CLEC16A: variants seen among roughly 807,000 people sequenced by gnomAD.
The protein encoded by CLEC16A is protein CLEC16A.
A neutral mutation model predicts 109.5 loss-of-function variants in CLEC16A; 51 were observed. The observed-to-expected ratio is 0.47, with a 90% CI of 0.37 to 0.59. CLEC16A has a LOEUF of 0.59. Among genes scored for constraint, CLEC16A ranks in the 20% least tolerant of loss-of-function variants. The probability of loss-of-function intolerance (pLI) is 0.00; values close to 1 mark genes in which losing one functional copy is unlikely to be tolerated. For synonymous variants in CLEC16A, 673 were observed against 564.2 expected, an observed-to-expected ratio of 1.19 and a Z score of -2.73; for missense variants, 1,339 against 1,394.0, an observed-to-expected ratio of 0.96 and a Z score of 0.63.
intron 17 of CLEC16A, among the ~76,000 whole-genome samples, chr16:11,049,132 C>T (rs1360205826): frequency 6.6e-6 from 1 of 152,012 alleles, no homozygotes; most frequent in Non-Finnish European, 1.5e-5. Flanking sequence ...CTCAGCCTCC[C>T]GAGTAGCTGG....
chr16:10,962,717 A>G (rs2042309138), intron 3 of CLEC16A, 129 bp downstream of exon 3: 2 of 996,222 alleles, frequency 2.0e-6, no homozygotes. Context: ...CCATAGACTG[A>G]GTGGGTTAAA....
chr16:11,026,424 C>T (rs968252813), intron 13 of CLEC16A, among the ~76,000 whole-genome samples: 1 of 152,142 alleles, frequency 6.6e-6, no homozygotes, highest in African/African-American at 2.4e-5. Context: ...TTCATCTGAA[C>T]TGTCAAATTT....
rs536364200 is a variant in CLEC16A at position 11,067,327 on chromosome 16, G to A, written c.2116+6305G>A. On this transcript the variant is annotated intron_variant, in intron 19 of 23. Transcript: ENST00000409790. ...CACAGATCAAACTCAGATGACCACC[G>A]TGTTTCCTGTTCTAAGAGCAGGTGA... Among the ~76,000 whole-genome samples the A allele has an allele frequency of 4.1e-5, 6 of 147,548 alleles. No homozygotes were observed. The South Asian group carries it at 1.3e-3, about 33-fold the overall frequency.
rs556702149 is a variant in CLEC16A, at chr16:10,992,939, G to C, written c.1071+9948G>C. Among the ~76,000 whole-genome samples, 8 of 152,288 alleles carry C rather than the reference G, an allele frequency of 5.3e-5. No homozygotes were observed. The East Asian group carries it at 1.4e-3, about 26-fold the overall frequency. On this transcript the variant is annotated intron_variant, in intron 10 of 23. Coordinates refer to ENST00000409790, the MANE Select transcript of CLEC16A (RefSeq NM_015226.3). ...GAGGTCAGGGAGCTAGGCCTGCTGA[G>C]AGTTGAGGGGTTGGGTCGGGGGGCG...
At chr16:11,114,123 A>C (rs2051798246) in intron 19 of CLEC16A, among the ~76,000 whole-genome samples, 1 of 116,120 alleles carries the variant, frequency 8.6e-6, no homozygotes, top group Admixed American at 8.7e-5. Flanking sequence ...TCCCATGAGG[A>C]TGGCCGTGTG....
At chr16:11,012,099 C>G (rs2045455916) in intron 11 of CLEC16A, among the ~76,000 whole-genome samples, 2 of 152,056 alleles carry the variant, frequency 1.3e-5, no homozygotes. Flanking sequence ...CACTTAACAT[C>G]AAGGATAGGT....
intron 15 of CLEC16A, among the ~76,000 whole-genome samples, chr16:11,043,682 T>C (rs1029205582): frequency 6.6e-6 from 1 of 152,006 alleles, no homozygotes; most frequent in Non-Finnish European, 1.5e-5. Flanking sequence ...CTGGCCAACA[T>C]GGTGAAGCCC....
At chr16:10,945,118 G>T (rs868516931) in intron 1 of CLEC16A, among the ~76,000 whole-genome samples, 2 of 152,204 alleles carry the variant, frequency 1.3e-5, no homozygotes, top group Admixed American at 6.5e-5. Context: ...TCCTGGCGGG[G>T]TACTTCTTAA....
rs533998165 is a variant in CLEC16A, at chr16:11,120,477, A to G, written c.2117-138A>G. 102 of 821,490 alleles carry G rather than the reference A, an allele frequency of 1.2e-4. No homozygotes were observed. In the South Asian group the frequency reaches 2.3e-3, roughly 19 times the overall value. 50.9% of individuals were successfully genotyped at this position (821,490 alleles called of 1,614,324 possible). On this transcript the variant is annotated intron_variant, in intron 19 of 23. Coordinates refer to ENST00000409790, the MANE Select transcript of CLEC16A (RefSeq NM_015226.3). ...CATAACTGTCAGAGAAGGGACTCAG[A>G]CCTAGGTCTGTGTGACTCTAGGCCT...
chr16:10,991,272 C>T (rs542119383), intron 10 of CLEC16A, among the ~76,000 whole-genome samples: 1 of 151,922 alleles, frequency 6.6e-6, no homozygotes, highest in South Asian at 2.1e-4. Flanking sequence ...GAAGCACAGA[C>T]TCAAAGGAAG....
chr16:11,134,778 G>T (rs928892430), intron 22 of CLEC16A, among the ~76,000 whole-genome samples: 1 of 152,154 alleles, frequency 6.6e-6, no homozygotes, highest in Non-Finnish European at 1.5e-5. Context: ...GAGCTACTTC[G>T]CATGGCAGCT....
intron 1 of CLEC16A, among the ~76,000 whole-genome samples, chr16:10,948,112 C>G (rs1332444826): frequency 1.3e-5 from 2 of 152,140 alleles, no homozygotes; most frequent in East Asian, 3.9e-4. Context: ...CCAGGATGGT[C>G]TCGATCTCCT....
At chr16:10,962,291 C>G (rs2042285132) in intron 2 of CLEC16A, among the ~76,000 whole-genome samples, 164 bp from the exon 3 acceptor site, 1 of 152,134 alleles carries the variant, frequency 6.6e-6, no homozygotes, top group Admixed American at 6.5e-5. Context: ...TATTCCTTTG[C>G]TGGGAATTCC....
At chr16:10,957,100 C>G in intron 1 of CLEC16A, among the ~76,000 whole-genome samples, 1 of 152,198 alleles carries the variant, frequency 6.6e-6, no homozygotes, top group East Asian at 1.9e-4. Context: ...CCCAGCCAGC[C>G]CATTTAACTC....
At chr16:11,030,983 T>G in intron 13 of CLEC16A, among the ~76,000 whole-genome samples, 1 of 152,238 alleles carries the variant, frequency 6.6e-6, no homozygotes, top group Middle Eastern at 3.2e-3. Flanking sequence ...GTGGCATGTC[T>G]TTTCATTTTC....
intron 10 of CLEC16A, among the ~76,000 whole-genome samples, chr16:10,999,583 C>T (rs1004001903): frequency 6.6e-6 from 1 of 152,210 alleles, no homozygotes; most frequent in Non-Finnish European, 1.5e-5. Context: ...AACAACTCCC[C>T]TATCAATGGA....
chr16:11,156,181 G>A (rs952234806), intron 22 of CLEC16A, among the ~76,000 whole-genome samples: 2 of 152,062 alleles, frequency 1.3e-5, no homozygotes, highest in Non-Finnish European at 2.9e-5. Flanking sequence ...GGCCAACATG[G>A]TGAAACCCAT....
At chr16:11,038,377 C>T (rs1031356688) in intron 13 of CLEC16A, among the ~76,000 whole-genome samples, 1 of 152,120 alleles carries the variant, frequency 6.6e-6, no homozygotes, top group South Asian at 2.1e-4. Flanking sequence ...CGCAAATAAT[C>T]CATTCAGTTC....
chr16:11,070,360 G>A (rs2049002939), intron 19 of CLEC16A, among the ~76,000 whole-genome samples: 1 of 151,002 alleles, frequency 6.6e-6, no homozygotes, highest in Admixed American at 6.6e-5. Flanking sequence ...GTGAGCCACT[G>A]CACCCGGCCT....
Sources: allele counts gnomAD v4.1 joint callset (sites outside exome capture counted in the v4.1 genomes callset), GRCh38; gene constraint gnomAD v4.1.1; transcripts MANE v1.5; gene names NCBI Gene and HGNC (gene_info 2026-07-23, HGNC 2026-07-21).